Variants in ZCWPW2 observed in about 807,000 individuals in gnomAD.
The protein encoded by ZCWPW2 is zinc finger CW-type and PWWP domain containing 2, also known as zinc finger CW-type PWWP domain protein 2.
ZCWPW2 carries 45 observed loss-of-function variants against 46.6 expected under a neutral mutation model. That is an observed-to-expected ratio of 0.96 (90% CI 0.76 to 1.24). The LOEUF (loss-of-function observed/expected upper bound fraction) is 1.24, where lower values mean the gene tolerates loss of function less well. Among genes scored for constraint, ZCWPW2 ranks in the 50% most tolerant of loss-of-function variants. The pLI is 0.00. For missense variants in ZCWPW2, 429 were observed against 403.9 expected, an observed-to-expected ratio of 1.06 and a Z score of -0.53; for synonymous variants, 152 against 137.1, an observed-to-expected ratio of 1.11 and a Z score of -0.76.
At chr3:28,434,354 C>CT (rs1697395749) in intron 3 of ZCWPW2, among the ~76,000 whole-genome samples, 3 of 151,280 alleles carry the variant, frequency 2.0e-5, no homozygotes, top group Non-Finnish European at 4.4e-5. Context: ...ATAGAAAAAC[C>CT]AAATACAACA....
intron 1 of ZCWPW2, among the ~76,000 whole-genome samples, chr3:28,375,551 A>G (rs184362223): frequency 1.3e-5 from 2 of 152,114 alleles, no homozygotes; most frequent in East Asian, 1.9e-4. Context: ...GTTAACTGAG[A>G]TGTTCTGATA....
rs932277515 is a variant in ZCWPW2 at position 28,475,459 on chromosome 3, G to T, written c.493-3355G>T. Among the ~76,000 whole-genome samples the T allele has an allele frequency of 4.6e-5, 7 of 152,134 alleles. No homozygotes were observed. In the South Asian group the frequency reaches 1.5e-3, roughly 32 times the overall value. On this transcript the variant is annotated intron_variant, in intron 4 of 9. Coordinates refer to ENST00000383768, the MANE Select transcript of ZCWPW2 (RefSeq NM_001040432.4). ...CTCTGTATAGCCTTTCCTCATCAAA[G>T]CAATGAGAATGATTTCTTTAAAAAC...
chr3:28,436,182 A>T (rs1043059754), intron 4 of ZCWPW2, among the ~76,000 whole-genome samples: 1 of 152,220 alleles, frequency 6.6e-6, no homozygotes, highest in Non-Finnish European at 1.5e-5. Context: ...TTTAATAAGT[A>T]TAAATCAATT....
chr3:28,446,454 A>G (rs1359982925), intron 4 of ZCWPW2, among the ~76,000 whole-genome samples: 1 of 152,132 alleles, frequency 6.6e-6, no homozygotes, highest in African/African-American at 2.4e-5. Flanking sequence ...AAACACTTAG[A>G]GATGAATGAA....
chr3:28,461,470 A>G (rs1698633115), intron 4 of ZCWPW2: 1 of 152,096 alleles, frequency 6.6e-6, no homozygotes, highest in Non-Finnish European at 1.5e-5. Flanking sequence ...GTTTTATATT[A>G]TTTTAGTATC....
chr3:28,526,153 G>A lies in ZCWPW2; in HGVS notation c.*1465G>A, dbSNP rs1380775944. 1.3e-5 allele frequency among the ~76,000 whole-genome samples: 2 copies of A among 152,118 alleles called. No individual in the cohort carries two copies. Among genetic ancestry groups the A allele is most frequent in the African/African-American group, 4.8e-5 (2 of 41,428 alleles). Reference sequence around the variant, plus strand: ...AAATGAGATATTTTTTGTGAAAGTGGTTTGTAAATCAATTTGATCTTCTGT... The same window carrying A: ...AAATGAGATATTTTTTGTGAAAGTGATTTGTAAATCAATTTGATCTTCTGT... On this transcript the variant is annotated 3_prime_UTR_variant, in exon 10 of 10. Coordinates refer to ENST00000383768, the MANE Select transcript of ZCWPW2 (RefSeq NM_001040432.4).
intron 1 of ZCWPW2, among the ~76,000 whole-genome samples, chr3:28,383,029 A>G (rs1253107551): frequency 1.3e-5 from 2 of 152,166 alleles, no homozygotes; most frequent in African/African-American, 4.8e-5. Flanking sequence ...ACCCTGTACT[A>G]TTGAAATATT....
intron 8 of ZCWPW2, among the ~76,000 whole-genome samples, chr3:28,516,198 C>G (rs1392512313): frequency 1.3e-5 from 2 of 151,844 alleles, no homozygotes; most frequent in African/African-American, 2.4e-5. Context: ...CGAGATCACA[C>G]CACTGCATTC....
At chr3:28,467,873 G>T (rs556409377) in intron 4 of ZCWPW2, among the ~76,000 whole-genome samples, 1 of 152,090 alleles carries the variant, frequency 6.6e-6, no homozygotes, top group African/African-American at 2.4e-5. Flanking sequence ...AACCCATATC[G>T]TGAAGACTAC....
intron 6 of ZCWPW2, among the ~76,000 whole-genome samples, chr3:28,509,129 G>A (rs1284937578): frequency 6.6e-6 from 1 of 151,898 alleles, no homozygotes; most frequent in Non-Finnish European, 1.5e-5. Flanking sequence ...TTTATGCCTG[G>A]CTGTTCACTT....
At chr3:28,516,038 C>T (rs1442565986) in intron 8 of ZCWPW2, among the ~76,000 whole-genome samples, 1 of 151,736 alleles carries the variant, frequency 6.6e-6, no homozygotes, top group Non-Finnish European at 1.5e-5. Flanking sequence ...GTCAGGAGTT[C>T]AAGACCAGCC....
chr3:28,411,624 T>C (rs1429278789), intron 2 of ZCWPW2, among the ~76,000 whole-genome samples: 5 of 152,054 alleles, frequency 3.3e-5, no homozygotes, highest in Non-Finnish European at 7.4e-5. Context: ...GGGCAGAGAC[T>C]CTGTAAGTAA....
intron 5 of ZCWPW2, among the ~76,000 whole-genome samples, chr3:28,480,919 G>T (rs1485904485): frequency 1.4e-5 from 2 of 143,086 alleles, no homozygotes; most frequent in Non-Finnish European, 3.0e-5. Flanking sequence ...AGGCTGGAGT[G>T]CAATGGCGCG....
At position 28,413,149 on chromosome 3, in the gene ZCWPW2, C is replaced by A; in HGVS notation, c.81C>A (p.Asn27Lys). Reference sequence around the variant, plus strand: ...CCTCAGTGGAAAACATGTATGTAAACAAAGTGTGGGTTCAATGTGAGAATG... The same window carrying A: ...CCTCAGTGGAAAACATGTATGTAAAAAAAGTGTGGGTTCAATGTGAGAATG... ...MDSSVENMYV[N>K]KVWVQCENEN... The change falls in exon 3 of 10, where the codon AAC becomes AAA. Residue 27 changes from asparagine (N) to lysine (K), a missense_variant. Transcript: ENST00000383768. The A allele has an allele frequency of 6.2e-7, 1 of 1,613,060 alleles. No homozygotes were observed. The highest frequency in any genetic ancestry group is 8.5e-7 in the Non-Finnish European group (1 of 1,179,430).
intron 6 of ZCWPW2, among the ~76,000 whole-genome samples, chr3:28,498,474 C>G (rs980957721): frequency 6.6e-6 from 1 of 151,828 alleles, no homozygotes; most frequent in Non-Finnish European, 1.5e-5. Context: ...CATTAATATA[C>G]AAAGCAATTA....
At chr3:28,441,999 G>T (rs1280107189) in intron 4 of ZCWPW2, among the ~76,000 whole-genome samples, 2 of 152,176 alleles carry the variant, frequency 1.3e-5, no homozygotes, top group East Asian at 3.9e-4. Context: ...ATCCTTATCT[G>T]CCACTGACAC....
At chr3:28,362,126 T>G (rs1704964366) in intron 1 of ZCWPW2, among the ~76,000 whole-genome samples, 1 of 152,098 alleles carries the variant, frequency 6.6e-6, no homozygotes, top group Non-Finnish European at 1.5e-5. Context: ...AAACTAAATG[T>G]CCATAAGCAG....
chr3:28,356,666 A>T (rs1235088414), intron 1 of ZCWPW2, among the ~76,000 whole-genome samples: 4 of 152,270 alleles, frequency 2.6e-5, no homozygotes, highest in African/African-American at 9.6e-5. Context: ...ATGGAATACT[A>T]TGCAGACATA....
At chr3:28,449,431 A>G (rs1385653771) in intron 4 of ZCWPW2, among the ~76,000 whole-genome samples, 1 of 152,242 alleles carries the variant, frequency 6.6e-6, no homozygotes, top group Non-Finnish European at 1.5e-5. Flanking sequence ...TCACAAAATG[A>G]CAAATACCAT....
Sources: allele counts gnomAD v4.1 joint callset (sites outside exome capture counted in the v4.1 genomes callset), GRCh38; gene constraint gnomAD v4.1.1; transcripts MANE v1.5; gene names NCBI Gene and HGNC (gene_info 2026-07-23, HGNC 2026-07-21).